HSDL2: variants seen among roughly 807,000 people sequenced by gnomAD.
HSDL2 encodes hydroxysteroid dehydrogenase like 2, also known as hydroxysteroid dehydrogenase-like protein 2.
A neutral mutation model predicts 46.3 loss-of-function variants in HSDL2; 27 were observed. That is an observed-to-expected ratio of 0.58 (90% CI 0.43 to 0.80). The LOEUF is 0.80. Ranked by LOEUF, HSDL2 falls within the 30% of genes least tolerant of loss-of-function variation. The pLI is 0.00. For synonymous variants in HSDL2, 153 were observed against 163.6 expected (o/e 0.94, Z 0.50); for missense variants, 451 against 502.7 (o/e 0.90, Z 0.98).
chr9:112,409,693 C>T (rs574759839), intron 4 of HSDL2, among the ~76,000 whole-genome samples: 2 of 152,106 alleles, frequency 1.3e-5, no homozygotes, highest in Non-Finnish European at 2.9e-5. Context: ...TAAAATCAGG[C>T]AGGCATAGTG....
Position 112,415,904 on chromosome 9 carries a change from C to T in HSDL2, c.396-937C>T, listed in dbSNP as rs374360349. ...GTGGGTGGATCACGAGGTCAGGAGT[C>T]GAGACCATCCTGGCTAACACGGTGA... On this transcript the variant is annotated intron_variant, in intron 4 of 10. Transcript: ENST00000398805. Among the ~76,000 whole-genome samples, 130 of 152,132 alleles carry T rather than the reference C, an allele frequency of 8.5e-4. 3 individuals are homozygous for T. In the South Asian group the frequency reaches 0.022, roughly 25 times the overall value.
At chr9:112,453,166 G>A (rs1026540009) in intron 8 of HSDL2, among the ~76,000 whole-genome samples, 2 of 152,144 alleles carry the variant, frequency 1.3e-5, no homozygotes, top group African/African-American at 4.8e-5. Flanking sequence ...AAAGGACTAG[G>A]TGAATAGATT....
intron 4 of HSDL2, among the ~76,000 whole-genome samples, chr9:112,412,390 A>G (rs926053787): frequency 3.3e-5 from 5 of 152,234 alleles, no homozygotes; most frequent in African/African-American, 4.8e-5. Context: ...AACTATAGAC[A>G]GTGCTGTAGC....
intron 6 of HSDL2, among the ~76,000 whole-genome samples, chr9:112,430,210 A>G (rs1442508406): frequency 6.6e-6 from 1 of 152,130 alleles, no homozygotes; most frequent in Non-Finnish European, 1.5e-5. Context: ...AGACTTTGAC[A>G]TTTGAGCATA....
chr9:112,442,268 C>CAAAAAAA (rs71382431), intron 8 of HSDL2, among the ~76,000 whole-genome samples: 1 of 47,442 alleles, frequency 2.1e-5, no homozygotes, highest in African/African-American at 7.8e-5. Flanking sequence ...GACCCTGTCT[C>CAAAAAAA]AAAAAAAAAA....
intron 8 of HSDL2, among the ~76,000 whole-genome samples, chr9:112,452,154 GA>G (rs2132689413): frequency 6.6e-6 from 1 of 152,218 alleles, no homozygotes; most frequent in African/African-American, 2.4e-5. Context: ...AAAGGAAAAT[GA>G]TTTTTTTTAT....
In HSDL2 at chr9:112,454,003, T is replaced by C; in HGVS notation, c.866-10T>C. 6.8e-6 allele frequency: 11 copies of C among 1,610,108 alleles called. No individual in the cohort carries two copies. Among genetic ancestry groups the C allele is most frequent in the Non-Finnish European group, 9.3e-6 (11 of 1,178,668 alleles). ...GCATTAAGGTCATTTGCTTCAATAA[T>C]ATCTTATAGGTGCTGTTCCAGAATT... is the stretch of plus-strand genomic sequence containing the variant. On this transcript the variant is annotated splice_polypyrimidine_tract_variant and intron_variant, in intron 8 of 10. Coordinates refer to ENST00000398805, the MANE Select transcript of HSDL2 (RefSeq NM_032303.5).
At chr9:112,425,404 C>A (rs1017518248) in intron 6 of HSDL2, among the ~76,000 whole-genome samples, 1 of 152,098 alleles carries the variant, frequency 6.6e-6, no homozygotes, top group East Asian at 1.9e-4. Flanking sequence ...GAGAATTAAG[C>A]AATACCATAT....
At chr9:112,387,202 C>G (rs1375029200) in intron 1 of HSDL2, among the ~76,000 whole-genome samples, 1 of 151,094 alleles carries the variant, frequency 6.6e-6, no homozygotes, top group Non-Finnish European at 1.5e-5. Context: ...AGTATATAAC[C>G]TCTGGGATTT....
chr9:112,404,221 G>A, intron 2 of HSDL2, 63 bp downstream of exon 2: 2 of 1,501,268 alleles, frequency 1.3e-6, no homozygotes, highest in Admixed American at 3.7e-5. Context: ...TAGAGAATTT[G>A]CTGGAGAGTT....
chr9:112,387,346 A>G (rs922757582), intron 1 of HSDL2, among the ~76,000 whole-genome samples: 51 of 151,640 alleles, frequency 3.4e-4, no homozygotes, highest in African/African-American at 1.2e-3. Flanking sequence ...CAGCTTCCTG[A>G]GTAGCTGGGA....
At chr9:112,447,301 A>G (rs941081925) in intron 8 of HSDL2, among the ~76,000 whole-genome samples, 1 of 151,916 alleles carries the variant, frequency 6.6e-6, no homozygotes, top group African/African-American at 2.4e-5. Flanking sequence ...TTGTCTCCTG[A>G]AGTTTTTTTT....
chr9:112,436,965 T>TTTG (rs1405381598), intron 6 of HSDL2, among the ~76,000 whole-genome samples: 1 of 142,980 alleles, frequency 7.0e-6, no homozygotes, highest in Non-Finnish European at 1.5e-5. Context: ...TTTTTCTTTT[T>TTTG]TTTTTTTTTT....
chr9:112,448,031 T>G (rs1832790096), intron 8 of HSDL2, among the ~76,000 whole-genome samples: 8 of 152,192 alleles, frequency 5.3e-5, no homozygotes. Context: ...GCCACTTATA[T>G]TTATCATTTT....
intron 6 of HSDL2, among the ~76,000 whole-genome samples, chr9:112,434,425 G>A (rs1308998318): frequency 3.3e-5 from 5 of 152,216 alleles, no homozygotes; most frequent in African/African-American, 1.2e-4. Flanking sequence ...CCTCCTTCCT[G>A]TCTGGTGCTA....
At chr9:112,401,212 A>G (rs771891860) in intron 1 of HSDL2, among the ~76,000 whole-genome samples, 1 of 152,200 alleles carries the variant, frequency 6.6e-6, no homozygotes, top group South Asian at 2.1e-4. Context: ...TAATAATCCC[A>G]GCACTTTGGG....
At chr9:112,382,615 A>G (rs1719679706) in intron 1 of HSDL2, among the ~76,000 whole-genome samples, 1 of 152,210 alleles carries the variant, frequency 6.6e-6, no homozygotes, top group African/African-American at 2.4e-5. Flanking sequence ...ATGCTGGTGC[A>G]CATCCTACAA....
chr9:112,468,236 T>C (rs955167302), intron 10 of HSDL2, among the ~76,000 whole-genome samples: 9 of 152,200 alleles, frequency 5.9e-5, no homozygotes, highest in African/African-American at 2.2e-4. Flanking sequence ...GTCTGATATT[T>C]CACAGTGATA....
At chr9:112,428,270 T>G (rs1222018073) in intron 6 of HSDL2, among the ~76,000 whole-genome samples, 1 of 152,242 alleles carries the variant, frequency 6.6e-6, no homozygotes, top group Non-Finnish European at 1.5e-5. Flanking sequence ...AGGAATCAGT[T>G]TGGTTAAATT....
Sources: allele counts gnomAD v4.1 joint callset (sites outside exome capture counted in the v4.1 genomes callset), GRCh38; gene constraint gnomAD v4.1.1; transcripts MANE v1.5; gene names NCBI Gene and HGNC (gene_info 2026-07-23, HGNC 2026-07-21).